The following SDCCAG8 variants were observed in gnomAD, a reference collection of about 807,000 sequenced individuals.
SDCCAG8 encodes serologically defined colon cancer antigen 8.
Under a neutral mutation model 101.8 loss-of-function variants are expected in SDCCAG8, and 74 were observed. The observed-to-expected ratio is 0.73, with a 90% confidence interval of 0.60 to 0.88. The LOEUF is 0.88. SDCCAG8 is among the 40% of genes least tolerant of loss of function. The pLI is 0.00. For missense variants in SDCCAG8, 787 were observed against 822.6 expected, an observed-to-expected ratio of 0.96 and a Z score of 0.53; for synonymous variants, 281 against 292.9, an observed-to-expected ratio of 0.96 and a Z score of 0.41.
intron 8 of SDCCAG8, among the ~76,000 whole-genome samples, chr1:243,314,772 C>T (rs1175804892): frequency 2.6e-5 from 4 of 152,180 alleles, no homozygotes; most frequent in African/African-American, 9.7e-5. Context: ...TGCAGTGGCA[C>T]GATCTCAGCT....
chr1:243,307,820 C>T (rs2072308633), intron 7 of SDCCAG8, 169 bp from the exon 8 acceptor site: 4 of 1,463,640 alleles, frequency 2.7e-6, no homozygotes, highest in Non-Finnish European at 3.6e-6. Flanking sequence ...TTAGAATCAC[C>T]ACACCAAAGT....
In SDCCAG8 at chr1:243,468,973, A is replaced by G. The variant is rs1325290723; in HGVS notation, c.1986-20041A>G. 2.6e-5 allele frequency among the ~76,000 whole-genome samples: 4 copies of G among 152,218 alleles called. No individual in the cohort carries two copies. The South Asian group carries it at 6.2e-4, about 24-fold the overall frequency. On this transcript the variant is annotated intron_variant, in intron 16 of 17. Coordinates refer to ENST00000366541, the MANE Select transcript of SDCCAG8 (RefSeq NM_006642.5). Reference sequence around the variant, plus strand: ...ACTGAGGATCTACTAAGCACCAGTCACTTTATATACTCTCCAATTCTCATA... The same window carrying G: ...ACTGAGGATCTACTAAGCACCAGTCGCTTTATATACTCTCCAATTCTCATA...
chr1:243,476,117 C>A (rs1046754209), intron 16 of SDCCAG8: 51 of 985,294 alleles, frequency 5.2e-5, no homozygotes, highest in Middle Eastern at 5.2e-4. Flanking sequence ...ATTTATTGCT[C>A]TTTGCAGAAT....
intron 8 of SDCCAG8, among the ~76,000 whole-genome samples, chr1:243,309,760 A>G (rs1221813546): frequency 2.0e-5 from 3 of 152,152 alleles, no homozygotes; most frequent in Non-Finnish European, 2.9e-5. Context: ...TTCCCAAAGT[A>G]TTGGGATTAT....
At chr1:243,350,779 A>G (rs1004372612) in intron 12 of SDCCAG8, among the ~76,000 whole-genome samples, 2 of 152,204 alleles carry the variant, frequency 1.3e-5, no homozygotes, top group Non-Finnish European at 2.9e-5. Flanking sequence ...AATTGCTGCA[A>G]CAGGCCATGG....
chr1:243,296,031 T>G (rs1303185188), intron 6 of SDCCAG8, among the ~76,000 whole-genome samples: 8 of 152,194 alleles, frequency 5.3e-5, no homozygotes, highest in Admixed American at 5.2e-4. Flanking sequence ...GATCTAGCTC[T>G]GTCACCCAGG....
chr1:243,428,891 G>A (rs752871505), intron 16 of SDCCAG8, among the ~76,000 whole-genome samples: 11 of 152,204 alleles, frequency 7.2e-5, no homozygotes, highest in Non-Finnish European at 1.3e-4. Context: ...CACTGAAAAC[G>A]CTGTGTGGAC....
intron 7 of SDCCAG8, chr1:243,307,593 T>A (rs556235503): frequency 2.0e-6 from 2 of 984,824 alleles, no homozygotes; most frequent in African/African-American, 3.5e-5. Context: ...ACCTCAAGTA[T>A]GTTGTCTTAT....
At chr1:243,340,879 A>G (rs2075344238) in intron 10 of SDCCAG8, among the ~76,000 whole-genome samples, 160 bp from the exon 11 acceptor site, 4 of 152,230 alleles carry the variant, frequency 2.6e-5, no homozygotes, top group Non-Finnish European at 4.4e-5. Context: ...TTCACTGGGC[A>G]TAGGTGAATA....
At position 243,457,560 on chromosome 1, in the gene SDCCAG8, C is replaced by T. The variant is rs528415479; in HGVS notation, c.1985+31002C>T. Among the ~76,000 whole-genome samples, 162 of 152,210 alleles carry T rather than the reference C, an allele frequency of 1.1e-3. 1 individual carries two copies. Among genetic ancestry groups the T allele is most frequent in the African/African-American group, 3.6e-3 (148 of 41,534 alleles). ...GCATTGAGGATTAGGTTGTCAAATG[C>T]GGTGTATTTACTTTTGAACTTCTCT... On this transcript the variant is annotated intron_variant, in intron 16 of 17. Transcript: ENST00000366541.
chr1:243,495,621 T>G (rs1012239841), intron 17 of SDCCAG8, among the ~76,000 whole-genome samples: 8 of 152,218 alleles, frequency 5.3e-5, no homozygotes, highest in African/African-American at 1.9e-4. Context: ...GTCGCTGTGC[T>G]GGGGACAGCA....
In SDCCAG8 at chr1:243,426,335, G is replaced by T. The variant is rs142139959; in HGVS notation, c.1854-92G>T. The T allele has an allele frequency of 5.7e-5, 61 of 1,078,296 alleles. No individual in the cohort carries two copies. The African/African-American group carries it at 7.6e-4, about 13-fold the overall frequency. 66.8% of individuals were successfully genotyped at this position (1,078,296 alleles called of 1,614,324 possible). A position where few individuals can be genotyped will look rare whatever the true frequency, so the allele number is the denominator to read the frequency against. The stretch of plus-strand genomic sequence containing the variant: ...TCATTATGCTATCATGTTTAAGTGT[G>T]GAGTTTAAGATAATGTTAAGGTTAT... On this transcript the variant is annotated intron_variant, in intron 15 of 17. Transcript: ENST00000366541.
chr1:243,437,374 C>T (rs2082203538), intron 16 of SDCCAG8, among the ~76,000 whole-genome samples: 2 of 152,016 alleles, frequency 1.3e-5, no homozygotes, highest in Admixed American at 6.6e-5. Context: ...GGGAGGTATA[C>T]GGTAATCATA....
intron 13 of SDCCAG8, among the ~76,000 whole-genome samples, chr1:243,383,974 A>C (rs1173982406): frequency 6.6e-6 from 1 of 152,130 alleles, no homozygotes; most frequent in Non-Finnish European, 1.5e-5. Context: ...GGTCTCCCTG[A>C]AATCCTGATT....
rs776675761 is a variant in SDCCAG8 at position 243,342,787 on chromosome 1, C to G, written c.1357-1428C>G. Among the ~76,000 whole-genome samples, 33 of 152,154 alleles carry G rather than the reference C, an allele frequency of 2.2e-4. 1 individual carries two copies. The highest frequency in any genetic ancestry group is 1.4e-3 in the Admixed American group (22 of 15,292). On this transcript the variant is annotated intron_variant, in intron 11 of 17. Coordinates refer to ENST00000366541, the MANE Select transcript of SDCCAG8 (RefSeq NM_006642.5). ...ATTTTTGAAATCGGAGGAATAAACT[C>G]TCTCACATTGAAGGCATTTGAACTT...
chr1:243,313,352 C>T (rs923261105), intron 8 of SDCCAG8, among the ~76,000 whole-genome samples: 3 of 152,204 alleles, frequency 2.0e-5, no homozygotes, highest in Admixed American at 2.0e-4. Context: ...CAAGGTGGAG[C>T]TCATGCATAT....
chr1:243,340,943 C>T (rs1398517218), intron 10 of SDCCAG8, 96 bp from the exon 11 acceptor site: 1 of 1,250,080 alleles, frequency 8.0e-7, no homozygotes, highest in African/African-American at 1.5e-5. Flanking sequence ...CTCACAGAGC[C>T]CAGTGACTAT....
At chr1:243,484,080 C>T (rs1664306742) in intron 16 of SDCCAG8, among the ~76,000 whole-genome samples, 1 of 152,220 alleles carries the variant, frequency 6.6e-6, no homozygotes, top group Admixed American at 6.5e-5. Context: ...GGTGCGTGTT[C>T]CACAGGTACC....
At chr1:243,415,152 A>G (rs972690003) in intron 13 of SDCCAG8, among the ~76,000 whole-genome samples, 2 of 152,136 alleles carry the variant, frequency 1.3e-5, no homozygotes, top group African/African-American at 4.8e-5. Flanking sequence ...ATTTGTATTC[A>G]TATTCACATT....
Sources: allele counts gnomAD v4.1 joint callset (sites outside exome capture counted in the v4.1 genomes callset), GRCh38; gene constraint gnomAD v4.1.1; transcripts MANE v1.5; gene names NCBI Gene and HGNC (gene_info 2026-07-23, HGNC 2026-07-21).